The following PCDHGA2 variants were observed in gnomAD, a reference collection of about 807,000 sequenced individuals.
The protein encoded by PCDHGA2 is protocadherin gamma subfamily A, 2, also known as protocadherin gamma-A2.
PCDHGA2 carries 40 observed loss-of-function variants against 59.2 expected under a neutral mutation model. The ratio of observed to expected loss-of-function variants is 0.68; its 90% CI spans 0.52 to 0.88. PCDHGA2 has a LOEUF of 0.88. PCDHGA2 is among the 40% of genes least tolerant of loss of function. The probability of loss-of-function intolerance (pLI) is 0.00; values close to 1 mark genes in which losing one functional copy is unlikely to be tolerated. For synonymous variants in PCDHGA2, 560 were observed against 526.0 expected, an observed-to-expected ratio of 1.06 and a Z score of -0.89; for missense variants, 1,226 against 1,204.0, an observed-to-expected ratio of 1.02 and a Z score of -0.27.
chr5:141,383,570 G>C (rs1312215313), intron 1 of PCDHGA2: 1 of 1,613,234 alleles, frequency 6.2e-7, no homozygotes, highest in South Asian at 1.1e-5. Flanking sequence ...CCCCGATCCA[G>C]CACCGCCCAC....
chr5:141,462,243 A>C (rs141980823), intron 1 of PCDHGA2, among the ~76,000 whole-genome samples: 70 of 152,368 alleles, frequency 4.6e-4, no homozygotes, highest in African/African-American at 1.6e-3. Flanking sequence ...TACAGGTATG[A>C]GCCACCATGA....
At chr5:141,421,781 G>A (rs1482347889) in intron 1 of PCDHGA2, 1 of 1,613,856 alleles carries the variant, frequency 6.2e-7, no homozygotes, top group Non-Finnish European at 8.5e-7. Context: ...CAACTGCGGG[G>A]CAGAACGGAT....
At chr5:141,406,177 A>G (rs929841923) in intron 1 of PCDHGA2, among the ~76,000 whole-genome samples, 2 of 151,308 alleles carry the variant, frequency 1.3e-5, no homozygotes. Flanking sequence ...GGCTTATGCA[A>G]TCCTCCCACC....
At chr5:141,361,786 T>A in intron 1 of PCDHGA2, 1 of 1,613,238 alleles carries the variant, frequency 6.2e-7, no homozygotes, top group Non-Finnish European at 8.5e-7. Context: ...CCTGCGCGTG[T>A]TAGTGGGCGA....
chr5:141,353,348 A>G (rs1249385439), intron 1 of PCDHGA2, among the ~76,000 whole-genome samples: 2 of 152,194 alleles, frequency 1.3e-5, no homozygotes, highest in Non-Finnish European at 2.9e-5. Context: ...CATCAATTAC[A>G]TTAATTATGT....
chr5:141,365,428 C>A (rs1588613200), intron 1 of PCDHGA2: 1 of 1,613,992 alleles, frequency 6.2e-7, no homozygotes, highest in Non-Finnish European at 8.5e-7. Flanking sequence ...GAACTGTAAT[C>A]GCGCTGTTTA....
chr5:141,410,766 AG>A, intron 1 of PCDHGA2: 1 of 1,032,268 alleles, frequency 9.7e-7, no homozygotes, highest in Non-Finnish European at 1.3e-6. Context: ...TTTCAATTAT[AG>A]TTTTCACTAT....
At chr5:141,349,226 T>C (rs756786542) in intron 1 of PCDHGA2, among the ~76,000 whole-genome samples, 7 of 121,428 alleles carry the variant, frequency 5.8e-5, no homozygotes, top group Non-Finnish European at 9.7e-5. Flanking sequence ...CCCGCCACCA[T>C]GCCTGGATAA....
intron 1 of PCDHGA2, chr5:141,362,322 T>C (rs369360424): frequency 6.2e-7 from 1 of 1,614,066 alleles, no homozygotes; most frequent in South Asian, 1.1e-5. Flanking sequence ...GTTTTCAGCC[T>C]GGTCTCAGCT....
intron 1 of PCDHGA2, chr5:141,399,746 C>G (rs1478736881): frequency 2.5e-6 from 4 of 1,613,242 alleles, no homozygotes; most frequent in African/African-American, 2.7e-5. Context: ...GCGCTCAGCG[C>G]AAACGTGAGC....
intron 1 of PCDHGA2, chr5:141,413,123 A>T: frequency 6.5e-7 from 1 of 1,526,818 alleles, no homozygotes. Flanking sequence ...GAACCGGTTG[A>T]AACACACAAC....
intron 1 of PCDHGA2, among the ~76,000 whole-genome samples, chr5:141,469,490 G>A (rs1346871954): frequency 3.3e-5 from 5 of 152,146 alleles, no homozygotes; most frequent in East Asian, 3.9e-4. Context: ...CAGGAGAATC[G>A]CTTGAACCCG....
intron 1 of PCDHGA2, chr5:141,371,776 T>C (rs1216205837): frequency 6.2e-7 from 1 of 1,613,882 alleles, no homozygotes; most frequent in Non-Finnish European, 8.5e-7. Flanking sequence ...ACCGTGCATG[T>C]AGCTGAGAAC....
At chr5:141,366,340 C>T in intron 1 of PCDHGA2, 1 of 1,613,934 alleles carries the variant, frequency 6.2e-7, no homozygotes, top group Non-Finnish European at 8.5e-7. Context: ...GGATCCCTGA[C>T]ATCCTGGCTG....
chr5:141,381,909 A>AACCTCC (rs1182707286), intron 1 of PCDHGA2, among the ~76,000 whole-genome samples: 1 of 130,036 alleles, frequency 7.7e-6, no homozygotes, highest in East Asian at 2.2e-4. Context: ...GGCTCACCAC[A>AACCTCC]ACCTCCACCT....
intron 1 of PCDHGA2, among the ~76,000 whole-genome samples, chr5:141,454,796 A>ATTTTTTTTTTTTTTTTTTTTTT (rs61612330): frequency 5.2e-5 from 4 of 77,456 alleles, no homozygotes; most frequent in Non-Finnish European, 7.0e-5. Context: ...CATGGTTCTA[A>ATTTTTTTTTTTTTTTTTTTTTT]TTTTTTTTTT....
intron 1 of PCDHGA2, chr5:141,365,642 A>G (rs1764035406): frequency 6.2e-7 from 1 of 1,613,554 alleles, no homozygotes; most frequent in Non-Finnish European, 8.5e-7. Flanking sequence ...AGAAAGCCAC[A>G]TCCCCTTGAA....
chr5:141,438,054 T>C (rs1451843979), intron 1 of PCDHGA2, among the ~76,000 whole-genome samples: 2 of 152,182 alleles, frequency 1.3e-5, no homozygotes, highest in African/African-American at 4.8e-5. Flanking sequence ...TTGAGTTCAC[T>C]TTTAAGAAAC....
At chr5:141,345,015 C>A (rs756820605) in intron 1 of PCDHGA2, 2 of 1,613,968 alleles carry the variant, frequency 1.2e-6, no homozygotes, top group Non-Finnish European at 8.5e-7. Context: ...ACCAGGTCTT[C>A]TTTCAAGAGC....
Sources: allele counts gnomAD v4.1 joint callset (sites outside exome capture counted in the v4.1 genomes callset), GRCh38; gene constraint gnomAD v4.1.1; transcripts MANE v1.5; gene names NCBI Gene and HGNC (gene_info 2026-07-23, HGNC 2026-07-21).